Variants in TMC1 observed in about 807,000 individuals in gnomAD.
TMC1 encodes transmembrane channel-like protein 1.
A neutral mutation model predicts 105.8 loss-of-function variants in TMC1; 84 were observed. The observed-to-expected ratio is 0.79, with a 90% CI of 0.67 to 0.95. The LOEUF (loss-of-function observed/expected upper bound fraction) is 0.95, where lower values mean the gene tolerates loss of function less well. TMC1 is among the 40% of genes least tolerant of loss of function. The probability of loss-of-function intolerance (pLI) is 0.00; values close to 1 mark genes in which losing one functional copy is unlikely to be tolerated. For missense variants in TMC1, 817 were observed against 914.1 expected (o/e 0.89, Z 1.37); for synonymous variants, 315 against 311.5 (o/e 1.01, Z -0.12).
At chr9:72,815,076 G>T (rs935963371) in intron 18 of TMC1, among the ~76,000 whole-genome samples, 1 of 151,966 alleles carries the variant, frequency 6.6e-6, no homozygotes, top group Admixed American at 6.6e-5. Context: ...CTCTCATTTC[G>T]TATTTACTGC....
At chr9:72,788,541 C>T in intron 14 of TMC1, 58 bp downstream of exon 14, 1 of 1,566,782 alleles carries the variant, frequency 6.4e-7, no homozygotes, top group Non-Finnish European at 8.8e-7. Flanking sequence ...AAATTGGAGG[C>T]ATTCCATCTG....
intron 6 of TMC1, among the ~76,000 whole-genome samples, chr9:72,691,729 T>C (rs527827908): frequency 6.6e-6 from 1 of 152,278 alleles, no homozygotes; most frequent in Non-Finnish European, 1.5e-5. Context: ...CTGGGTCCTG[T>C]CCATGCCCTG....
At chr9:72,651,090 G>C (rs917930212) in intron 5 of TMC1, 2 of 145,654 alleles carry the variant, frequency 1.4e-5, no homozygotes, top group African/African-American at 5.0e-5. Flanking sequence ...AAAATATATA[G>C]ATATATATAT....
intron 8 of TMC1, among the ~76,000 whole-genome samples, chr9:72,735,370 A>C (rs919477434): frequency 2.0e-5 from 3 of 152,236 alleles, no homozygotes; most frequent in African/African-American, 7.2e-5. Flanking sequence ...AAATCTCTTT[A>C]ATTTATTCAG....
At chr9:72,654,757 T>C (rs1051331217) in intron 5 of TMC1, among the ~76,000 whole-genome samples, 2 of 152,096 alleles carry the variant, frequency 1.3e-5, no homozygotes, top group African/African-American at 4.8e-5. Context: ...AAAATAGTCT[T>C]TCATATTTTC....
chr9:72,671,228 G>A (rs1331154946), intron 5 of TMC1, among the ~76,000 whole-genome samples: 2 of 152,120 alleles, frequency 1.3e-5, no homozygotes, highest in Non-Finnish European at 2.9e-5. Flanking sequence ...AATTTAGCTG[G>A]GTTTGCTTGT....
At position 72,770,992 on chromosome 9, in the gene TMC1, T is replaced by A. The variant is rs546668834; in HGVS notation, c.742-1421T>A. Among the ~76,000 whole-genome samples, 5 of 152,268 alleles carry A rather than the reference T, an allele frequency of 3.3e-5. No individual in the cohort carries two copies. In the East Asian group the frequency reaches 7.7e-4, roughly 24 times the overall value. ...CTGCTCATCTTATCCAGGGACACCCTCCCGGGCATACCCAGAAACAGTGTT... is the reference window on the plus strand; with the variant it reads ...CTGCTCATCTTATCCAGGGACACCCACCCGGGCATACCCAGAAACAGTGTT... On this transcript the variant is annotated intron_variant, in intron 12 of 23. Transcript: ENST00000297784.
At chr9:72,547,674 C>G (rs1249507737) in intron 1 of TMC1, among the ~76,000 whole-genome samples, 2 of 152,148 alleles carry the variant, frequency 1.3e-5, no homozygotes, top group African/African-American at 2.4e-5. Context: ...TACATTTGAT[C>G]AGGGTATAAA....
chr9:72,786,105 G>A (rs566675300), intron 13 of TMC1, among the ~76,000 whole-genome samples: 12 of 152,266 alleles, frequency 7.9e-5, no homozygotes, highest in African/African-American at 2.9e-4. Context: ...TGACCTCAGG[G>A]TATAAATGGA....
At chr9:72,740,710 C>T (rs916458880) in intron 9 of TMC1, among the ~76,000 whole-genome samples, 2 of 152,116 alleles carry the variant, frequency 1.3e-5, no homozygotes, top group Admixed American at 1.3e-4. Context: ...GAATTGAATT[C>T]TTTTATAAAG....
intron 5 of TMC1, among the ~76,000 whole-genome samples, chr9:72,665,488 G>A (rs1475560276): frequency 2.0e-5 from 3 of 152,210 alleles, no homozygotes; most frequent in African/African-American, 7.2e-5. Flanking sequence ...TAGATAGGTT[G>A]CTACAGAAAG....
intron 10 of TMC1, among the ~76,000 whole-genome samples, chr9:72,744,953 C>G (rs1827464738): frequency 6.6e-6 from 1 of 152,096 alleles, no homozygotes; most frequent in African/African-American, 2.4e-5. Flanking sequence ...CAATAATAAC[C>G]TTCAGTTATC....
At chr9:72,564,103 A>T (rs903015653) in intron 1 of TMC1, among the ~76,000 whole-genome samples, 1 of 152,072 alleles carries the variant, frequency 6.6e-6, no homozygotes, top group African/African-American at 2.4e-5. Flanking sequence ...AGAGTTTTAC[A>T]CACCAATCCT....
chr9:72,727,932 A>C (rs1364133997), intron 8 of TMC1, among the ~76,000 whole-genome samples: 1 of 152,156 alleles, frequency 6.6e-6, no homozygotes, highest in South Asian at 2.1e-4. Flanking sequence ...ATCCAGAGAG[A>C]CATTTATAAA....
At chr9:72,593,956 G>C (rs915679017) in intron 2 of TMC1, among the ~76,000 whole-genome samples, 1 of 152,156 alleles carries the variant, frequency 6.6e-6, no homozygotes, top group Non-Finnish European at 1.5e-5. Context: ...GGCGATGGTA[G>C]GGGCAGGGGC....
At position 72,592,091 on chromosome 9, in the gene TMC1, G is replaced by A. The variant is rs117013105; in HGVS notation, c.-306+14068G>A. ...ATCGAGCAAAAAAACCATCTGATGT[G>A]GTAGATAACATCAACAGGATTTGAT... is the stretch of plus-strand genomic sequence containing the variant. On this transcript the variant is annotated intron_variant, in intron 2 of 23. Coordinates refer to ENST00000297784, the MANE Select transcript of TMC1 (RefSeq NM_138691.3). 2.4e-3 allele frequency among the ~76,000 whole-genome samples: 364 copies of A among 152,102 alleles called. 2 individuals are homozygous for A. The highest frequency in any genetic ancestry group is 2.9e-3 in the Non-Finnish European group (195 of 67,996).
intron 17 of TMC1, among the ~76,000 whole-genome samples, chr9:72,796,059 C>A (rs1828360919): frequency 6.6e-6 from 1 of 151,628 alleles, no homozygotes; most frequent in Non-Finnish European, 1.5e-5. Flanking sequence ...CATGCACACA[C>A]AAATACACTT....
chr9:72,793,574 T>C (rs373994736), intron 17 of TMC1, among the ~76,000 whole-genome samples: 3 of 152,152 alleles, frequency 2.0e-5, no homozygotes, highest in Admixed American at 1.3e-4. Flanking sequence ...ACCTCCTAAC[T>C]GGGGTCTCCA....
chr9:72,660,875 A>G (rs1401932226), intron 5 of TMC1, among the ~76,000 whole-genome samples: 1 of 152,110 alleles, frequency 6.6e-6, no homozygotes, highest in Non-Finnish European at 1.5e-5. Flanking sequence ...AAGTATTTGG[A>G]TGGAAATTAT....
Sources: allele counts gnomAD v4.1 joint callset (sites outside exome capture counted in the v4.1 genomes callset), GRCh38; gene constraint gnomAD v4.1.1; transcripts MANE v1.5; gene names NCBI Gene and HGNC (gene_info 2026-07-23, HGNC 2026-07-21).